The following PECR variants were observed in gnomAD, a reference collection of about 807,000 sequenced individuals.
PECR encodes 2,4-dienoyl-CoA reductase-related protein.
Under a neutral mutation model 35.3 loss-of-function variants are expected in PECR, and 30 were observed. That is an observed-to-expected ratio of 0.85 (90% confidence interval 0.64 to 1.15). The LOEUF (loss-of-function observed/expected upper bound fraction) is 1.15. Ranked by LOEUF, PECR falls within the 50% of genes most tolerant of loss-of-function variation. PECR has a pLI of 0.00. For missense variants in PECR, 392 were observed against 370.8 expected (o/e 1.06, Z -0.47); for synonymous variants, 148 against 138.9 (o/e 1.07, Z -0.46).
At chr2:216,069,328 T>C (rs866195952) in intron 1 of PECR, among the ~76,000 whole-genome samples, 1 of 152,158 alleles carries the variant, frequency 6.6e-6, no homozygotes, top group African/African-American at 2.4e-5. Context: ...GCAAATAATA[T>C]AGCTGTGTCA....
chr2:216,031,488 A>G (rs920435018), intron 7 of PECR, among the ~76,000 whole-genome samples: 18 of 131,616 alleles, frequency 1.4e-4, no homozygotes, highest in Middle Eastern at 3.8e-3. Flanking sequence ...AAAGAAAGAA[A>G]GAAAGAGAAA....
At chr2:216,041,004 C>T (rs1350346676) in intron 7 of PECR, among the ~76,000 whole-genome samples, 2 of 152,166 alleles carry the variant, frequency 1.3e-5, no homozygotes, top group South Asian at 2.1e-4. Flanking sequence ...CACAATCATA[C>T]GGCTAATAAG....
At chr2:216,029,861 T>C (rs1351439919) in intron 7 of PECR, among the ~76,000 whole-genome samples, 1 of 152,248 alleles carries the variant, frequency 6.6e-6, no homozygotes, top group African/African-American at 2.4e-5. Context: ...TCATGCATCA[T>C]TTTACAAGAG....
At chr2:216,065,169 A>C in intron 3 of PECR, 143 bp downstream of exon 3, 1 of 749,954 alleles carries the variant, frequency 1.3e-6, no homozygotes, top group East Asian at 2.4e-5. Context: ...ACTATACTGA[A>C]ATGTACCAAT....
At position 216,081,773 on chromosome 2, in the gene PECR, C is replaced by T. The variant is rs758409883; in HGVS notation, c.-32G>A. On this transcript the variant is annotated 5_prime_UTR_variant, in exon 1 of 8. Coordinates refer to ENST00000265322, the MANE Select transcript of PECR (RefSeq NM_018441.6). Reference sequence around the variant, plus strand: ...AGCGGGGTGCCAGAGCAGCTGAGCGCAGGCCCTTCTGGGTCTCAGGGACAT... The same window carrying T: ...AGCGGGGTGCCAGAGCAGCTGAGCGTAGGCCCTTCTGGGTCTCAGGGACAT... The T allele has an allele frequency of 1.3e-5, 21 of 1,609,744 alleles. 1 individual carries two copies. In the Admixed American group the frequency reaches 3.2e-4, roughly 24 times the overall value.
chr2:216,079,224 C>T (rs1330448741), intron 1 of PECR, among the ~76,000 whole-genome samples: 1 of 146,466 alleles, frequency 6.8e-6, no homozygotes, highest in Non-Finnish European at 1.5e-5. Flanking sequence ...GTTGGAAACA[C>T]AGTCGTAACC....
At chr2:216,030,944 TCTCTCTCTCTCTCACACACACA>T (rs1238200734) in intron 7 of PECR, among the ~76,000 whole-genome samples, 6 of 57,356 alleles carry the variant, frequency 1.0e-4, no homozygotes, top group African/African-American at 2.8e-4. Context: ...TCTCTCTCTC[TCTCTCTCTCTCTCACACACACA>T]CACACACACA....
At chr2:216,073,570 T>C (rs1464036560) in intron 1 of PECR, among the ~76,000 whole-genome samples, 1 of 152,052 alleles carries the variant, frequency 6.6e-6, no homozygotes, top group Non-Finnish European at 1.5e-5. Flanking sequence ...TCTATACAGG[T>C]GTACCATTTT....
rs1037724431 is a variant in PECR, at chr2:216,066,433, C to T, written c.210G>A (p.Lys70=). The T allele has an allele frequency of 1.9e-6, 3 of 1,613,532 alleles. No individual in the cohort carries two copies. The highest frequency in any genetic ancestry group is 1.3e-5 in the African/African-American group (1 of 74,912). The part of the protein sequence containing the change: ...DELQANLPPT[K]QARVIPIQCN... ...ATTGTATGGGAATGACTCGTGCCTG[C>T]TTTGTGGGAGGTAGGTTGGCCTGCA... The change falls in exon 2 of 8, where the codon AAG becomes AAA. Residue 70 remains lysine, a synonymous_variant. Transcript: ENST00000265322.
At chr2:216,062,985 G>T (rs886656714) in intron 3 of PECR, among the ~76,000 whole-genome samples, 1 of 152,266 alleles carries the variant, frequency 6.6e-6, no homozygotes, top group Admixed American at 6.5e-5. Flanking sequence ...CAATGAAATT[G>T]CCTAATGACA....
intron 4 of PECR, among the ~76,000 whole-genome samples, chr2:216,055,830 C>T (rs1574689864): frequency 6.6e-6 from 1 of 152,242 alleles, no homozygotes; most frequent in East Asian, 1.9e-4. Flanking sequence ...TATTAATTTC[C>T]ATTTAGCCGT....
At position 216,039,328 on chromosome 2, in the gene PECR, G is replaced by T; in HGVS notation, c.859C>A (p.Leu287Ile). 1 of 1,609,064 alleles carries T rather than the reference G, an allele frequency of 6.2e-7. No homozygotes were observed. The highest frequency in any genetic ancestry group is 8.5e-7 in the Non-Finnish European group (1 of 1,175,436). ...HDNWPKGAGD[L>I]SVVKKMKETF... ...TCCTTCATCTTTTTGACAACAGAAAGGTCCCCTGCTCCCTTGGGCCAGTTG... is the reference window on the plus strand; with the variant it reads ...TCCTTCATCTTTTTGACAACAGAAATGTCCCCTGCTCCCTTGGGCCAGTTG... The change falls in exon 8 of 8, where the codon CTT becomes ATT. Residue 287 changes from leucine to isoleucine, a missense_variant. Physicochemically the swap from Leu to Ile is conservative, Grantham distance 5. Coordinates refer to ENST00000265322, the MANE Select transcript of PECR (RefSeq NM_018441.6).
At chr2:216,062,228 TGGAGACAGGGTTTCCCCATGTTGGCCA>T (rs1228507951) in intron 3 of PECR, among the ~76,000 whole-genome samples, 7 of 152,032 alleles carry the variant, frequency 4.6e-5, no homozygotes, top group Admixed American at 6.6e-5. Flanking sequence ...GTATTTTTAG[TGGAGACAGGGTTTCCCCATGTTGGCCA>T]GGCTGGTTTC....
At position 216,066,306 on chromosome 2, in the gene PECR, C is replaced by A. The variant is rs111785260; in HGVS notation, c.258+79G>T. 189 of 1,212,154 alleles carry A rather than the reference C, an allele frequency of 1.6e-4. No homozygotes were observed. In the African/African-American group the frequency reaches 2.2e-3, roughly 14 times the overall value. 75.1% of individuals were successfully genotyped at this position (1,212,154 alleles called of 1,614,324 possible). A position where few individuals can be genotyped will look rare whatever the true frequency, so the allele number is the denominator to read the frequency against. On this transcript the variant is annotated intron_variant, in intron 2 of 7. Coordinates refer to ENST00000265322, the MANE Select transcript of PECR (RefSeq NM_018441.6). ...ATCTAAGACAGCTACAATAGGAGAACCTGAAGCATAGCCAGGTTTAAGAAA... is the reference window on the plus strand; with the variant it reads ...ATCTAAGACAGCTACAATAGGAGAAACTGAAGCATAGCCAGGTTTAAGAAA...
At chr2:216,046,416 T>C (rs1694998674) in intron 6 of PECR, among the ~76,000 whole-genome samples, 1 of 149,772 alleles carries the variant, frequency 6.7e-6, no homozygotes, top group African/African-American at 2.5e-5. Flanking sequence ...GTTCAAGCAA[T>C]TGTCCTGCTT....
At chr2:216,065,250 A>G (rs1033964653) in intron 3 of PECR, 62 bp downstream of exon 3, 2 of 1,128,356 alleles carry the variant, frequency 1.8e-6, no homozygotes, top group African/African-American at 3.0e-5. Flanking sequence ...CTGAGTCCCT[A>G]ATAGGAATCC....
chr2:216,034,290 C>T (rs1242645720), downstream of PECR, among the ~76,000 whole-genome samples: 1 of 152,214 alleles, frequency 6.6e-6, no homozygotes, highest in Non-Finnish European at 1.5e-5. Context: ...AGACCTCCTG[C>T]TACAGGAAAC....
downstream of PECR, among the ~76,000 whole-genome samples, chr2:216,033,473 C>A (rs1446543697): frequency 6.6e-6 from 1 of 151,996 alleles, no homozygotes; most frequent in African/African-American, 2.4e-5. Context: ...AAGAGAGAAT[C>A]CAACAAGAGC....
chr2:216,060,302 A>C (rs888631404), intron 3 of PECR, among the ~76,000 whole-genome samples: 5 of 152,134 alleles, frequency 3.3e-5, no homozygotes, highest in African/African-American at 1.2e-4. Context: ...CTAGTTCTGA[A>C]AATGTCTACA....
Sources: allele counts gnomAD v4.1 joint callset (sites outside exome capture counted in the v4.1 genomes callset), GRCh38; gene constraint gnomAD v4.1.1; transcripts MANE v1.5; gene names NCBI Gene and HGNC (gene_info 2026-07-23, HGNC 2026-07-21).